Variants in WNT7A observed in about 807,000 individuals in gnomAD.
WNT7A encodes the protein protein Wnt-7a.
A neutral mutation model predicts 28.2 loss-of-function variants in WNT7A; 16 were observed. The observed-to-expected ratio is 0.57, with a 90% confidence interval of 0.38 to 0.86. The LOEUF is 0.86. Ranked by LOEUF, WNT7A falls within the 40% of genes least tolerant of loss-of-function variation. The pLI, the probability that WNT7A is intolerant of heterozygous loss-of-function variation, is 0.00. For synonymous variants in WNT7A, 190 were observed against 195.9 expected, an observed-to-expected ratio of 0.97 and a Z score of 0.25; for missense variants, 411 against 489.7, an observed-to-expected ratio of 0.84 and a Z score of 1.52.
intron 2 of WNT7A, among the ~76,000 whole-genome samples, chr3:13,868,791 A>AGG (rs1343566480): frequency 1.5e-5 from 1 of 68,412 alleles, no homozygotes; most frequent in Non-Finnish European, 3.0e-5. Flanking sequence ...GAAGGAAGGA[A>AGG]GGGAGAGAGA....
At chr3:13,837,763 G>A (rs1694392759) in intron 3 of WNT7A, among the ~76,000 whole-genome samples, 1 of 152,174 alleles carries the variant, frequency 6.6e-6, no homozygotes, top group African/African-American at 2.4e-5. Flanking sequence ...AACATCCTCT[G>A]TGCCCTTGAC....
At chr3:13,826,771 T>G (rs969007326) in intron 3 of WNT7A, among the ~76,000 whole-genome samples, 1 of 152,162 alleles carries the variant, frequency 6.6e-6, no homozygotes, top group Admixed American at 6.5e-5. Flanking sequence ...AAAAATTGAT[T>G]GCAAAATCAC....
At chr3:13,868,896 G>GAGGAAGGAAGGAAAGA (rs559267806) in intron 2 of WNT7A, among the ~76,000 whole-genome samples, 3 of 146,930 alleles carry the variant, frequency 2.0e-5, no homozygotes, top group Non-Finnish European at 4.5e-5. Context: ...AGGAGGGAGG[G>GAGGAAGGAAGGAAAGA]AGGAAGGAAG....
At chr3:13,864,613 C>T (rs1694881907) in intron 2 of WNT7A, among the ~76,000 whole-genome samples, 1 of 152,194 alleles carries the variant, frequency 6.6e-6, no homozygotes, top group Admixed American at 6.5e-5. Flanking sequence ...ACAGAGCCTG[C>T]ACCCCAGCAT....
At chr3:13,854,404 C>T in intron 3 of WNT7A, 128 bp downstream of exon 3, 1 of 1,482,976 alleles carries the variant, frequency 6.7e-7, no homozygotes, top group Non-Finnish European at 9.3e-7. Flanking sequence ...GATGCCAGCA[C>T]CAAGCAGAAT....
At chr3:13,829,979 G>A (rs9883213) in intron 3 of WNT7A, among the ~76,000 whole-genome samples, 152,219 of 152,220 alleles carry the variant, frequency 1, 76,109 homozygotes, top group Middle Eastern at 1. Context: ...CAGCGCTGGA[G>A]GCATGTCTGT....
chr3:13,845,561 A>G (rs1694525402), intron 3 of WNT7A, among the ~76,000 whole-genome samples: 1 of 152,240 alleles, frequency 6.6e-6, no homozygotes, highest in South Asian at 2.1e-4. Context: ...TCCCTGGAGA[A>G]ACTGAGGCAC....
rs1238434012 is a variant in WNT7A at position 13,860,174 on chromosome 3, T to C, written c.299-5371A>G. 4.6e-5 allele frequency among the ~76,000 whole-genome samples: 7 copies of C among 152,194 alleles called. No individual in the cohort carries two copies. In the East Asian group the frequency reaches 1.3e-3, roughly 29 times the overall value. ...GAAGGTGTTTCACAACATTCCCCAGTGTAGATGTCATTCCCCATGGTTTTA... is the reference window on the plus strand; with the variant it reads ...GAAGGTGTTTCACAACATTCCCCAGCGTAGATGTCATTCCCCATGGTTTTA... On this transcript the variant is annotated intron_variant, in intron 2 of 3. Transcript: ENST00000285018.
Position 13,819,416 on chromosome 3 carries a change from T to C in WNT7A, c.578A>G (p.Glu193Gly), listed in dbSNP as rs1429169466. ...HNNEAGRKIL[E>G]ENMKLECKCH... The stretch of plus-strand genomic sequence containing the variant: ...CTTACATTCCAGCTTCATGTTCTCC[T>C]CCAGGATCTGCAGGGGAGGGCGGGG... Residue 193 changes from glutamate (E) to glycine (G), a missense_variant, in exon 4 of 4, where the codon GAG becomes GGG. Glu to Gly is a moderately conservative substitution (Grantham distance 98). Coordinates refer to ENST00000285018, the MANE Select transcript of WNT7A (RefSeq NM_004625.4). 4.3e-6 allele frequency: 7 copies of C among 1,612,866 alleles called. No individual in the cohort carries two copies. Among genetic ancestry groups the C allele is most frequent in the Non-Finnish European group, 5.9e-6 (7 of 1,179,930 alleles).
chr3:13,854,852 T>G, intron 2 of WNT7A, 49 bp from the exon 3 acceptor site: 1 of 1,607,352 alleles, frequency 6.2e-7, no homozygotes. Flanking sequence ...GTCCCAAGCA[T>G]CTGAGAGGAG....
At chr3:13,823,807 G>A (rs1694147558) in intron 3 of WNT7A, among the ~76,000 whole-genome samples, 1 of 152,226 alleles carries the variant, frequency 6.6e-6, no homozygotes, top group Non-Finnish European at 1.5e-5. Flanking sequence ...GAAGGCACTG[G>A]CAGGAAATCG....
At chr3:13,849,188 G>A (rs947777944) in intron 3 of WNT7A, among the ~76,000 whole-genome samples, 3 of 152,096 alleles carry the variant, frequency 2.0e-5, no homozygotes, top group Non-Finnish European at 2.9e-5. Context: ...TGTGACCCTC[G>A]TCCTATAGTT....
At chr3:13,830,128 C>A (rs1323385316) in intron 3 of WNT7A, among the ~76,000 whole-genome samples, 2 of 152,106 alleles carry the variant, frequency 1.3e-5, no homozygotes, top group Non-Finnish European at 2.9e-5. Flanking sequence ...CTGCTATCTC[C>A]CATGCTCAGA....
chr3:13,836,342 T>C (rs1022283465), intron 3 of WNT7A, among the ~76,000 whole-genome samples: 7 of 152,142 alleles, frequency 4.6e-5, no homozygotes, highest in African/African-American at 1.7e-4. Flanking sequence ...GGCCTCCAGA[T>C]GGGCACAGCA....
chr3:13,878,588 G>T (rs1339024054), intron 1 of WNT7A, among the ~76,000 whole-genome samples: 1 of 152,168 alleles, frequency 6.6e-6, no homozygotes, highest in East Asian at 1.9e-4. Flanking sequence ...CGGACAACTT[G>T]CGAAATCCCC....
chr3:13,872,238 A>G (rs760944564), intron 2 of WNT7A, among the ~76,000 whole-genome samples: 11 of 152,216 alleles, frequency 7.2e-5, no homozygotes, highest in Non-Finnish European at 1.6e-4. Flanking sequence ...TAAAATTCCT[A>G]TAAGGTTGAA....
chr3:13,839,547 G>A (rs1694424287), intron 3 of WNT7A, among the ~76,000 whole-genome samples: 1 of 152,224 alleles, frequency 6.6e-6, no homozygotes, highest in African/African-American at 2.4e-5. Flanking sequence ...CTCTGGCTTA[G>A]CAATGAACGC....
intron 2 of WNT7A, among the ~76,000 whole-genome samples, chr3:13,870,365 T>C (rs1372406891): frequency 3.3e-5 from 5 of 152,104 alleles, no homozygotes; most frequent in Non-Finnish European, 7.4e-5. Flanking sequence ...AGGGAGAAGG[T>C]GGCAAGCCCA....
chr3:13,824,144 A>C (rs768474077), intron 3 of WNT7A, among the ~76,000 whole-genome samples: 20 of 152,232 alleles, frequency 1.3e-4, no homozygotes, highest in Non-Finnish European at 2.6e-4. Flanking sequence ...TGTACAATTC[A>C]ATGGTTTTTA....
Sources: gnomAD v4.1 joint callset for allele counts (sites outside exome capture counted in the v4.1 genomes callset) on GRCh38, gnomAD v4.1.1 for gene constraint, MANE v1.5 for transcripts, NCBI Gene and HGNC (gene_info 2026-07-23, HGNC 2026-07-21) for gene names.